Variants in GPR37 observed in about 807,000 individuals in gnomAD.
GPR37 encodes G protein-coupled receptor 37.
Under a neutral mutation model 43.6 loss-of-function variants are expected in GPR37, and 20 were observed. The observed-to-expected ratio is 0.46, with a 90% CI of 0.32 to 0.67. The LOEUF (loss-of-function observed/expected upper bound fraction) is 0.67. Ranked by LOEUF, GPR37 falls within the 30% of genes least tolerant of loss-of-function variation. GPR37 has a pLI of 0.03. For synonymous variants in GPR37, 315 were observed against 322.6 expected (o/e 0.98, Z 0.25); for missense variants, 724 against 797.2 (o/e 0.91, Z 1.11).
chr7:124,748,388 C>G (rs1793696588), intron 1 of GPR37, among the ~76,000 whole-genome samples: 1 of 152,084 alleles, frequency 6.6e-6, no homozygotes, highest in Non-Finnish European at 1.5e-5. Flanking sequence ...TAATCCCAGG[C>G]ACCTGGTTAA....
At chr7:124,762,979 G>A (rs1793868069) in intron 1 of GPR37, among the ~76,000 whole-genome samples, 1 of 152,202 alleles carries the variant, frequency 6.6e-6, no homozygotes, top group Non-Finnish European at 1.5e-5. Flanking sequence ...CAGCAAAACA[G>A]TTGGGCCCCT....
At chr7:124,750,617 T>C (rs973909180) in intron 1 of GPR37, among the ~76,000 whole-genome samples, 7 of 152,114 alleles carry the variant, frequency 4.6e-5, no homozygotes, top group Non-Finnish European at 7.4e-5. Flanking sequence ...TATGGATCAA[T>C]TATCACATAT....
chr7:124,761,285 A>G (rs929266158), intron 1 of GPR37, among the ~76,000 whole-genome samples: 1 of 152,102 alleles, frequency 6.6e-6, no homozygotes, highest in African/African-American at 2.4e-5. Context: ...GACAGTGCTT[A>G]GCTGCATCCC....
intron 1 of GPR37, among the ~76,000 whole-genome samples, chr7:124,758,445 CG>C (rs549827642): frequency 1.1e-3 from 171 of 152,144 alleles, no homozygotes; most frequent in African/African-American, 4.0e-3. Flanking sequence ...CTTAAAAGTC[CG>C]GCAGAATACC....
Position 124,764,904 on chromosome 7 carries a change from A to C in GPR37, c.73T>G (p.Ser25Ala). 1 of 1,598,666 alleles carries C rather than the reference A, an allele frequency of 6.3e-7. No individual in the cohort carries two copies. The highest frequency in any genetic ancestry group is 8.5e-7 in the Non-Finnish European group (1 of 1,173,506). ...LLLLLLKVSA[S>A]SALGVAPASR... ...GCAGGGGCGACCCCGAGGGCAGAAG[A>C]GGCAGACACCTTGAGCAGTAGCAGA... Residue 25 changes from serine to alanine, a missense_variant, in exon 1 of 2, where the codon TCT (serine) becomes GCT (alanine). Transcript: ENST00000303921. This position sits in a 1 kb window ranked among gnomAD's most constrained non-coding sequence, Gnocchi z 5.4.
At chr7:124,756,588 A>T (rs1228219180) in intron 1 of GPR37, among the ~76,000 whole-genome samples, 1 of 152,226 alleles carries the variant, frequency 6.6e-6, no homozygotes, top group Non-Finnish European at 1.5e-5. Flanking sequence ...TCTGGCACAA[A>T]GAGTATTATT....
chr7:124,758,344 T>A (rs1442266121), intron 1 of GPR37, among the ~76,000 whole-genome samples: 1 of 152,234 alleles, frequency 6.6e-6, no homozygotes, highest in East Asian at 1.9e-4. Context: ...TCATAAAATA[T>A]TTGTTCAGCA....
At chr7:124,754,500 G>GA (rs1584724993) in intron 1 of GPR37, among the ~76,000 whole-genome samples, 1 of 133,084 alleles carries the variant, frequency 7.5e-6, no homozygotes, top group South Asian at 2.5e-4. Context: ...GATGGGAAAA[G>GA]AAAAAACGAA....
intron 1 of GPR37, among the ~76,000 whole-genome samples, chr7:124,751,958 CA>C (rs1225283602): frequency 3.3e-5 from 5 of 151,788 alleles, no homozygotes; most frequent in Non-Finnish European, 7.4e-5. Context: ...AAAATAGAAA[CA>C]AAATTTTAAC....
rs1274517145 is a variant in GPR37 at position 124,765,238 on chromosome 7, G to T, written c.-262C>A. 3 of 414,540 alleles carry T rather than the reference G, an allele frequency of 7.2e-6. No homozygotes were observed. Among genetic ancestry groups the T allele is most frequent in the Non-Finnish European group, 1.3e-5 (3 of 235,600 alleles). The allele number at this position is 414,540 out of a possible 1,614,324, so 25.7% of individuals were successfully genotyped here. ...AGGTATGCCCTCCAAGGTTCCTAGA[G>T]GGAATAGGCTACTCCCGGTGGCTGA... On this transcript the variant is annotated 5_prime_UTR_variant, in exon 1 of 2. Coordinates refer to ENST00000303921, the MANE Select transcript of GPR37 (RefSeq NM_005302.5).
chr7:124,749,588 T>G (rs1289131967), intron 1 of GPR37, among the ~76,000 whole-genome samples: 1 of 152,132 alleles, frequency 6.6e-6, no homozygotes, highest in Non-Finnish European at 1.5e-5. Context: ...TTGGGGATTC[T>G]GACAGTTCCA....
chr7:124,751,286 T>C (rs1390226708), intron 1 of GPR37, among the ~76,000 whole-genome samples: 1 of 152,074 alleles, frequency 6.6e-6, no homozygotes, highest in East Asian at 1.9e-4. Flanking sequence ...GTCCTAGACA[T>C]CTACTCTCTC....
chr7:124,751,326 T>C (rs1417147516), intron 1 of GPR37, among the ~76,000 whole-genome samples: 1 of 152,086 alleles, frequency 6.6e-6, no homozygotes, highest in Non-Finnish European at 1.5e-5. Context: ...TGATATTACT[T>C]CAGATCTTTT....
At position 124,765,411 on chromosome 7, in the gene GPR37, A is replaced by G. The variant is rs1045230595; in HGVS notation, c.-435T>C. On this transcript the variant is annotated 5_prime_UTR_variant, in exon 1 of 2. Coordinates refer to ENST00000303921, the MANE Select transcript of GPR37 (RefSeq NM_005302.5). ...CTCTGCCTATTTACATCCTTTCGAC[A>G]GCGTTTGATCCAGTTGCAAGCCGAG... 6.7e-5 allele frequency: 11 copies of G among 162,974 alleles called. No individual in the cohort carries two copies. Among genetic ancestry groups the G allele is most frequent in the African/African-American group, 7.2e-5 (3 of 41,906 alleles). 10.1% of individuals were successfully genotyped at this position (162,974 alleles called of 1,614,324 possible).
rs1793673855 is a variant in GPR37 at position 124,746,612 on chromosome 7, G to A, written c.1755C>T (p.Asn585=). The A allele has an allele frequency of 1.9e-6, 3 of 1,613,848 alleles. No individual in the cohort carries two copies. Among genetic ancestry groups the A allele is most frequent in the Non-Finnish European group, 2.5e-6 (3 of 1,179,812 alleles). Residue 585 remains asparagine, a synonymous_variant, in exon 2 of 2, where the codon AAC becomes AAT. Coordinates refer to ENST00000303921, the MANE Select transcript of GPR37 (RefSeq NM_005302.5). The part of the protein sequence containing the change: ...SSTVTSDDND[N]EYTTELELSP... ...AGAGTTCGAGTTCCGTGGTGTACTCGTTGTCATTGTCATCACTGGTCACCG... is the reference window on the plus strand; with the variant it reads ...AGAGTTCGAGTTCCGTGGTGTACTCATTGTCATTGTCATCACTGGTCACCG...
Position 124,751,831 on chromosome 7 carries a change from T to C in GPR37, c.1024-4488A>G, listed in dbSNP as rs1467023637. ...ATCCTGAGAGACTGAATGAGTAAGA[T>C]GCAATCTCTTATTAATTAAACTGCA... On this transcript the variant is annotated intron_variant, in intron 1 of 1. Coordinates refer to ENST00000303921, the MANE Select transcript of GPR37 (RefSeq NM_005302.5). 4.6e-5 allele frequency among the ~76,000 whole-genome samples: 7 copies of C among 152,202 alleles called. 1 individual carries two copies. In the Middle Eastern group the frequency reaches 0.01, roughly 222 times the overall value.
intron 1 of GPR37, among the ~76,000 whole-genome samples, chr7:124,751,872 A>G (rs972434433): frequency 1.3e-5 from 2 of 152,172 alleles, no homozygotes; most frequent in African/African-American, 2.4e-5. Context: ...AGGAATAATT[A>G]ACAGCAACAA....
intron 1 of GPR37, among the ~76,000 whole-genome samples, chr7:124,761,896 ATAT>A (rs1189225798): frequency 6.6e-6 from 1 of 152,200 alleles, no homozygotes; most frequent in Non-Finnish European, 1.5e-5. Flanking sequence ...GTAAAAATGT[ATAT>A]TATACTGTAA....
rs764746474 is a variant in GPR37, at chr7:124,746,948, C to T, written c.1419G>A (p.Glu473=). Residue 473 remains glutamate, a synonymous_variant, in exon 2 of 2, where the codon GAG becomes GAA. Coordinates refer to ENST00000303921, the MANE Select transcript of GPR37 (RefSeq NM_005302.5). The stretch of plus-strand genomic sequence containing the variant: ...GTTTATTCCCTCGGGTACAGGCTTT[C>T]TCTGCTTTGCGGATTTTCCTCGCAG... The part of the protein sequence containing the change: ...LVTARKIRKA[E]KACTRGNKRQ... 2.5e-6 allele frequency: 4 copies of T among 1,614,072 alleles called. No homozygotes were observed. Among genetic ancestry groups the T allele is most frequent in the African/African-American group, 1.3e-5 (1 of 75,042 alleles).
Sources: allele counts gnomAD v4.1 joint callset (sites outside exome capture counted in the v4.1 genomes callset), GRCh38; gene constraint gnomAD v4.1.1; non-coding constraint Gnocchi (gnomAD v3.1); transcripts MANE v1.5; gene names NCBI Gene and HGNC (gene_info 2026-07-23, HGNC 2026-07-21).